The following SP140 variants were observed in gnomAD, a reference collection of about 807,000 sequenced individuals.
The protein encoded by SP140 is SP140 nuclear body protein.
Under a neutral mutation model 125.0 loss-of-function variants are expected in SP140, and 81 were observed. The ratio of observed to expected loss-of-function variants is 0.65; its 90% CI spans 0.54 to 0.78. The LOEUF is 0.78. Ranked by LOEUF, SP140 falls within the 30% of genes least tolerant of loss-of-function variation. SP140 has a pLI of 0.00. For synonymous variants in SP140, 312 were observed against 354.0 expected, an observed-to-expected ratio of 0.88 and a Z score of 1.33; for missense variants, 858 against 1,037.0, an observed-to-expected ratio of 0.83 and a Z score of 2.37.
chr2:230,222,107 G>A (rs931872586), upstream of SP140, among the ~76,000 whole-genome samples: 1 of 152,078 alleles, frequency 6.6e-6, no homozygotes, highest in Non-Finnish European at 1.5e-5. Context: ...GCACATGCCT[G>A]TAATCCGAGC....
intron 1 of SP140, among the ~76,000 whole-genome samples, chr2:230,228,039 A>G (rs2046715285): frequency 6.6e-6 from 1 of 151,994 alleles, no homozygotes; most frequent in African/African-American, 2.4e-5. Flanking sequence ...TATTGTATGC[A>G]TTTAATACTA....
chr2:230,205,820 G>A (rs900147560), intron 1 of SP140, among the ~76,000 whole-genome samples: 2 of 152,200 alleles, frequency 1.3e-5, no homozygotes, highest in Non-Finnish European at 2.9e-5. Flanking sequence ...ACAAACCTGA[G>A]TTGAAGACGT....
the SP140 span, among the ~76,000 whole-genome samples, chr2:230,190,162 T>C: frequency 6.6e-6 from 1 of 152,304 alleles, no homozygotes; most frequent in African/African-American, 2.4e-5. Flanking sequence ...TAATTTACAC[T>C]CCCACCAACA....
upstream of SP140, among the ~76,000 whole-genome samples, chr2:230,201,396 G>T (rs2043171827): frequency 6.6e-6 from 1 of 152,184 alleles, no homozygotes; most frequent in African/African-American, 2.4e-5. Context: ...AGATAAAACT[G>T]CTGGTGCCTT....
intron 12 of SP140, among the ~76,000 whole-genome samples, chr2:230,262,242 G>A (rs2052388033): frequency 6.6e-6 from 1 of 152,060 alleles, no homozygotes; most frequent in East Asian, 1.9e-4. Flanking sequence ...GTACATAAAG[G>A]TATTCATAGT....
chr2:230,225,838 C>A lies in SP140; in HGVS notation c.-7C>A. The A allele has an allele frequency of 6.2e-7, 1 of 1,613,822 alleles. No homozygotes were observed. The highest frequency in any genetic ancestry group is 8.5e-7 in the Non-Finnish European group (1 of 1,179,698). On this transcript the variant is annotated 5_prime_UTR_variant, in exon 1 of 27. Transcript: ENST00000392045. ...AATCGAATCGGGTGTGATCCTAGGC[C>A]AAGCTCATGGCCCAGCAGGGCCAGC...
At position 230,233,900 on chromosome 2, in the gene SP140, A is replaced by T. The variant is rs77143174; in HGVS notation, c.60-3183A>T. Among the ~76,000 whole-genome samples, 6 of 152,364 alleles carry T rather than the reference A, an allele frequency of 3.9e-5. No homozygotes were observed. The East Asian group carries it at 1.2e-3, about 29-fold the overall frequency. On this transcript the variant is annotated intron_variant, in intron 1 of 26. Coordinates refer to ENST00000392045, the MANE Select transcript of SP140 (RefSeq NM_007237.5). Reference sequence around the variant, plus strand: ...GAGAGAATGAGAAAGATAAAGGGAAAATAATATGTTATTATGTGAAGAGTT... The same window carrying T: ...GAGAGAATGAGAAAGATAAAGGGAATATAATATGTTATTATGTGAAGAGTT...
rs369421172 is a variant in SP140 at position 230,253,315 on chromosome 2, G to A, written c.1058-1G>A. 57 of 1,605,866 alleles carry A rather than the reference G, an allele frequency of 3.5e-5. No homozygotes were observed. The highest frequency in any genetic ancestry group is 1.1e-4 in the East Asian group (5 of 44,838). ...CCAAGTCACCCTCTGTGGTCTGTCAGTTTCTTGTTTATCTGCAGAGACCTT... is the reference window on the plus strand; with the variant it reads ...CCAAGTCACCCTCTGTGGTCTGTCAATTTCTTGTTTATCTGCAGAGACCTT... On this transcript the variant is annotated splice_acceptor_variant, in intron 10 of 26. Coordinates refer to ENST00000392045, the MANE Select transcript of SP140 (RefSeq NM_007237.5). LOFTEE classifies it high-confidence loss of function.
At chr2:230,258,831 T>C (rs2051696330) in intron 12 of SP140, among the ~76,000 whole-genome samples, 1 of 152,134 alleles carries the variant, frequency 6.6e-6, no homozygotes, top group Admixed American at 6.5e-5. Flanking sequence ...ACATTGAAAA[T>C]CAATCATGTT....
intron 22 of SP140, among the ~76,000 whole-genome samples, chr2:230,298,570 A>C (rs2057983485): frequency 6.6e-6 from 1 of 152,164 alleles, no homozygotes; most frequent in East Asian, 1.9e-4. Flanking sequence ...ACAGCCAGAT[A>C]TGTGTGGGGA....
chr2:230,199,904 G>A (rs920522541), upstream of SP140, among the ~76,000 whole-genome samples: 6 of 152,056 alleles, frequency 3.9e-5, no homozygotes, highest in African/African-American at 1.4e-4. Context: ...AGAGTTCCTG[G>A]GGACCAGGTT....
the SP140 span, among the ~76,000 whole-genome samples, chr2:230,187,829 C>T: frequency 2.6e-5 from 4 of 152,174 alleles, no homozygotes; most frequent in African/African-American, 9.7e-5. Flanking sequence ...TCTGAGTTCT[C>T]TATTCTGTTC....
rs182876604 is a variant in SP140, at chr2:230,231,156, C to A, written c.59+5253C>A. Among the ~76,000 whole-genome samples, 226 of 152,228 alleles carry A rather than the reference C, an allele frequency of 1.5e-3. 1 individual carries two copies. The highest frequency in any genetic ancestry group is 2.5e-3 in the Non-Finnish European group (168 of 68,002). On this transcript the variant is annotated intron_variant, in intron 1 of 26. Transcript: ENST00000392045. ...CTGCTCACTTAACCATCTGTTCATG[C>A]GTATTGTGTGCTTTTTTCTTTAGAG...
chr2:230,230,884 A>G (rs1464322780), intron 1 of SP140, among the ~76,000 whole-genome samples: 1 of 151,800 alleles, frequency 6.6e-6, no homozygotes, highest in Admixed American at 6.6e-5. Context: ...CCAATTACAT[A>G]TTTGTCACAC....
chr2:230,299,277 A>AG (rs1253195027), intron 22 of SP140, among the ~76,000 whole-genome samples: 1 of 152,230 alleles, frequency 6.6e-6, no homozygotes, highest in Non-Finnish European at 1.5e-5. Context: ...AAAGTGTGAG[A>AG]GGGAAAAAGT....
upstream of SP140, among the ~76,000 whole-genome samples, chr2:230,221,459 C>G (rs1012058086): frequency 2.0e-5 from 3 of 152,136 alleles, no homozygotes; most frequent in Non-Finnish European, 4.4e-5. Context: ...AGAGCAAGCC[C>G]TTCTATGCAG....
chr2:230,212,329 A>G (rs370420212), intron 1 of SP140: 1 of 1,583,580 alleles, frequency 6.3e-7, no homozygotes, highest in Non-Finnish European at 8.7e-7. Context: ...AAGCGGTATC[A>G]GCCCCAGTCA....
intron 19 of SP140, among the ~76,000 whole-genome samples, chr2:230,291,179 C>T (rs946220648): frequency 6.6e-6 from 1 of 152,174 alleles, no homozygotes; most frequent in Non-Finnish European, 1.5e-5. Context: ...CAAAAAATGT[C>T]TATTAGAATG....
At chr2:230,226,494 G>C (rs1344658894) in intron 1 of SP140, among the ~76,000 whole-genome samples, 1 of 152,064 alleles carries the variant, frequency 6.6e-6, no homozygotes, top group Non-Finnish European at 1.5e-5. Flanking sequence ...TTATTCTTCT[G>C]TTCTGGTATT....
Sources: allele counts gnomAD v4.1 joint callset (sites outside exome capture counted in the v4.1 genomes callset), GRCh38; gene constraint gnomAD v4.1.1; transcripts MANE v1.5; gene names NCBI Gene and HGNC (gene_info 2026-07-23, HGNC 2026-07-21).